Variants in RNGTT observed in about 807,000 individuals in gnomAD.
RNGTT encodes mRNA-capping enzyme.
In RNGTT, 33 loss-of-function variants were observed where a neutral mutation model predicts 79.3. That is an observed-to-expected ratio of 0.42 (90% confidence interval 0.32 to 0.56). The LOEUF is 0.56. Among genes scored for constraint, RNGTT ranks in the 20% least tolerant of loss-of-function variants. The pLI is 0.17. For synonymous variants in RNGTT, 222 were observed against 235.9 expected, an observed-to-expected ratio of 0.94 and a Z score of 0.54; for missense variants, 497 against 739.1, an observed-to-expected ratio of 0.67 and a Z score of 3.80.
intron 13 of RNGTT, among the ~76,000 whole-genome samples, chr6:88,755,068 G>T (rs938468605): frequency 6.6e-6 from 1 of 151,934 alleles, no homozygotes; most frequent in Non-Finnish European, 1.5e-5. Context: ...AGCTGGTCTT[G>T]GCAGAAACCT....
At chr6:88,764,143 C>A (rs1398120068) in intron 13 of RNGTT, among the ~76,000 whole-genome samples, 1 of 152,192 alleles carries the variant, frequency 6.6e-6, no homozygotes, top group Non-Finnish European at 1.5e-5. Flanking sequence ...ACCCTCATTT[C>A]TTCATTACCC....
chr6:88,627,466 A>G (rs528710871), intron 14 of RNGTT, among the ~76,000 whole-genome samples: 3 of 152,106 alleles, frequency 2.0e-5, no homozygotes, highest in African/African-American at 7.2e-5. Context: ...ACATATAACT[A>G]TCTCCTTTCT....
At chr6:88,795,472 G>C (rs1026072162) in intron 12 of RNGTT, among the ~76,000 whole-genome samples, 1 of 152,098 alleles carries the variant, frequency 6.6e-6, no homozygotes, top group African/African-American at 2.4e-5. Context: ...ACTTATAAGT[G>C]GGAGCTGAAC....
At chr6:88,730,733 T>C (rs924223686) in intron 13 of RNGTT, among the ~76,000 whole-genome samples, 1 of 152,180 alleles carries the variant, frequency 6.6e-6, no homozygotes, top group African/African-American at 2.4e-5. Flanking sequence ...CACTCTATAA[T>C]GTTCACACAA....
intron 15 of RNGTT, 36 bp from the exon 16 acceptor site, chr6:88,612,918 T>G (rs764061922): frequency 1.3e-6 from 2 of 1,594,308 alleles, no homozygotes; most frequent in Non-Finnish European, 1.7e-6. Context: ...ATGTGAGGGT[T>G]AATTAAGGCA....
At chr6:88,834,479 T>C (rs1010648050) in intron 11 of RNGTT, among the ~76,000 whole-genome samples, 2 of 152,238 alleles carry the variant, frequency 1.3e-5, no homozygotes, top group Non-Finnish European at 2.9e-5. Flanking sequence ...ATCCTCATTT[T>C]ATCTTGCATC....
At chr6:88,896,002 C>T (rs1326328807) in intron 6 of RNGTT, among the ~76,000 whole-genome samples, 2 of 152,286 alleles carry the variant, frequency 1.3e-5, no homozygotes, top group East Asian at 3.9e-4. Context: ...TACCGTGTCT[C>T]AACTAAAAGC....
chr6:88,885,359 G>T (rs1326415275), intron 8 of RNGTT, among the ~76,000 whole-genome samples: 1 of 152,186 alleles, frequency 6.6e-6, no homozygotes, highest in Admixed American at 6.5e-5. Context: ...TCAAAAGACA[G>T]GAGTCACTTG....
chr6:88,875,863 CT>C (rs1408506828), intron 8 of RNGTT, among the ~76,000 whole-genome samples: 4 of 152,056 alleles, frequency 2.6e-5, no homozygotes, highest in African/African-American at 9.7e-5. Context: ...TCAATAAAAT[CT>C]TTTAAGAAAA....
intron 11 of RNGTT, among the ~76,000 whole-genome samples, chr6:88,841,485 C>T (rs1781288122): frequency 2.0e-5 from 3 of 152,116 alleles, no homozygotes; most frequent in Non-Finnish European, 4.4e-5. Flanking sequence ...TCTATCATAA[C>T]CACCCTCCTC....
At chr6:88,725,127 G>C (rs569304833) in intron 13 of RNGTT, among the ~76,000 whole-genome samples, 2 of 152,266 alleles carry the variant, frequency 1.3e-5, no homozygotes, top group East Asian at 1.9e-4. Flanking sequence ...TAACAATTCC[G>C]GGGCTGGCCG....
chr6:88,786,876 G>A (rs1442503748), intron 12 of RNGTT, among the ~76,000 whole-genome samples: 1 of 152,124 alleles, frequency 6.6e-6, no homozygotes, highest in Non-Finnish European at 1.5e-5. Flanking sequence ...AGGTGATTAA[G>A]TCAAGAGGAC....
intron 13 of RNGTT, among the ~76,000 whole-genome samples, chr6:88,747,502 A>T (rs1777700407): frequency 6.6e-6 from 1 of 152,220 alleles, no homozygotes; most frequent in South Asian, 2.1e-4. Context: ...GGGAGTAAAG[A>T]TCCTGAAGGA....
chr6:88,779,891 G>T (rs957428300), intron 12 of RNGTT, among the ~76,000 whole-genome samples: 2 of 152,126 alleles, frequency 1.3e-5, no homozygotes, highest in Admixed American at 1.3e-4. Context: ...CACCTGGGGG[G>T]GCCAAGGCAG....
At chr6:88,774,932 T>C (rs1323383983) in intron 12 of RNGTT, among the ~76,000 whole-genome samples, 1 of 152,138 alleles carries the variant, frequency 6.6e-6, no homozygotes, top group South Asian at 2.1e-4. Context: ...AATTAGAGAT[T>C]ATAAAAATTA....
intron 2 of RNGTT, among the ~76,000 whole-genome samples, chr6:88,932,669 C>T (rs1040521011): frequency 1.3e-5 from 2 of 152,046 alleles, no homozygotes; most frequent in Non-Finnish European, 2.9e-5. Context: ...GGCTGGTTCC[C>T]CCAACAGATT....
chr6:88,843,548 CTTTTTTTTTTTTTTTT>C (rs11312733), intron 11 of RNGTT, among the ~76,000 whole-genome samples: 4 of 66,658 alleles, frequency 6.0e-5, no homozygotes, highest in South Asian at 5.6e-4. Context: ...TAGTATGATT[CTTTTTTTTTTTTTTTT>C]TTTTTTTTTT....
chr6:88,936,333 A>G (rs1487839066), intron 2 of RNGTT, among the ~76,000 whole-genome samples: 2 of 152,188 alleles, frequency 1.3e-5, no homozygotes, highest in African/African-American at 4.8e-5. Flanking sequence ...ATCATCAGCA[A>G]TGAGGGACAG....
intron 11 of RNGTT, among the ~76,000 whole-genome samples, chr6:88,805,391 C>T (rs757941410): frequency 2.0e-5 from 3 of 152,164 alleles, no homozygotes; most frequent in Non-Finnish European, 4.4e-5. Flanking sequence ...CAAGAAAGAC[C>T]ACAGGCAGGG....
Sources: gnomAD v4.1 joint callset for allele counts (sites outside exome capture counted in the v4.1 genomes callset) on GRCh38, gnomAD v4.1.1 for gene constraint, MANE v1.5 for transcripts, NCBI Gene and HGNC (gene_info 2026-07-23, HGNC 2026-07-21) for gene names.